DLG1: variants seen among roughly 807,000 people sequenced by gnomAD.
DLG1 encodes the protein disks large homolog 1.
In DLG1, 42 loss-of-function variants were observed where a neutral mutation model predicts 123.4. The ratio of observed to expected loss-of-function variants is 0.34; its 90% CI spans 0.27 to 0.44. DLG1 has a LOEUF of 0.44. Among genes scored for constraint, DLG1 ranks in the 20% least tolerant of loss-of-function variants. DLG1 has a pLI of 1.00. For missense variants in DLG1, 942 were observed against 1,082.6 expected (o/e 0.87, Z 1.82); for synonymous variants, 317 against 356.2 (o/e 0.89, Z 1.24).
At chr3:197,296,120 G>A (rs1216042178) in intron 3 of DLG1, among the ~76,000 whole-genome samples, 2 of 152,198 alleles carry the variant, frequency 1.3e-5, no homozygotes, top group Non-Finnish European at 2.9e-5. Flanking sequence ...ATTAAGATGT[G>A]AAACAATGTT....
intron 3 of DLG1, among the ~76,000 whole-genome samples, chr3:197,289,338 G>GCGCACA (rs1553828683): frequency 1.4e-5 from 1 of 69,922 alleles, no homozygotes; most frequent in East Asian, 5.8e-4. Flanking sequence ...GTATACACGC[G>GCGCACA]CATACACACA....
At chr3:197,078,076 C>T (rs764390485) in intron 17 of DLG1, among the ~76,000 whole-genome samples, 3 of 150,460 alleles carry the variant, frequency 2.0e-5, no homozygotes, top group Non-Finnish European at 4.4e-5. Context: ...CTTTGGTAGG[C>T]TGAGGCAGGA....
rs546600107 is a variant in DLG1, at chr3:197,130,593, A to G, written c.1099T>C (p.Leu367=). The change falls in exon 11 of 25, where the codon TTG becomes CTG. Residue 367 remains leucine (L), a synonymous_variant. Coordinates refer to ENST00000667157, the MANE Select transcript of DLG1 (RefSeq NM_001366207.1). ...ATACTTGTGGGTTTTGCCACTTTCA[A>G]ATAAACAAAATCAGATGTGTTCTTT... is the stretch of plus-strand genomic sequence containing the variant. ...ALKNTSDFVY[L]KVAKPTSMYM... The G allele has an allele frequency of 3.7e-6, 6 of 1,612,518 alleles. No homozygotes were observed. Among genetic ancestry groups the G allele is most frequent in the South Asian group, 1.1e-5 (1 of 90,934 alleles).
At position 197,146,013 on chromosome 3, in the gene DLG1, T is replaced by TAAATA. The variant is rs1361155925; in HGVS notation, c.538-3250_538-3246dup. Among the ~76,000 whole-genome samples, 298 of 149,184 alleles carry TAAATA rather than the reference T, an allele frequency of 2.0e-3. 2 individuals carry two copies. The highest frequency in any genetic ancestry group is 2.3e-3 in the Non-Finnish European group (151 of 66,684). On this transcript the variant is annotated intron_variant, in intron 6 of 24. Coordinates refer to ENST00000667157, the MANE Select transcript of DLG1 (RefSeq NM_001366207.1). Reference sequence around the variant, plus strand: ...TGTCTCAAATAAATAAATAAATAAATAAATAAAATAAAATAAAATAAAAAG... The same window carrying TAAATA: ...TGTCTCAAATAAATAAATAAATAAATAAATAAAATAAAATAAAATAAAATAAAAAG...
intron 24 of DLG1, among the ~76,000 whole-genome samples, chr3:197,045,751 C>T (rs1033887610): frequency 1.3e-5 from 2 of 151,562 alleles, no homozygotes; most frequent in African/African-American, 2.4e-5. Context: ...CCTTGTGTCT[C>T]GTAAAAAAGT....
At chr3:197,193,651 G>A (rs1269971263) in intron 5 of DLG1, among the ~76,000 whole-genome samples, 1 of 152,150 alleles carries the variant, frequency 6.6e-6, no homozygotes, top group Non-Finnish European at 1.5e-5. Context: ...TACAGTATGA[G>A]TCCATTTATA....
intron 4 of DLG1, among the ~76,000 whole-genome samples, chr3:197,264,832 G>A (rs1454210915): frequency 6.6e-6 from 1 of 152,188 alleles, no homozygotes; most frequent in African/African-American, 2.4e-5. Flanking sequence ...CTGGTCCCAA[G>A]TATTTTGGAT....
At chr3:197,288,122 T>C (rs755760831) in intron 3 of DLG1, among the ~76,000 whole-genome samples, 21 of 151,862 alleles carry the variant, frequency 1.4e-4, no homozygotes, top group Non-Finnish European at 2.8e-4. Context: ...TCCCAGCACT[T>C]TGGGAGCCTG....
intron 24 of DLG1, among the ~76,000 whole-genome samples, chr3:197,046,215 G>GC (rs1365298116): frequency 6.6e-6 from 1 of 152,026 alleles, no homozygotes; most frequent in Non-Finnish European, 1.5e-5. Context: ...ACAACAGCAC[G>GC]CAAGGATTTA....
At chr3:197,209,218 C>T (rs112338006) in intron 4 of DLG1, among the ~76,000 whole-genome samples, 16 of 146,248 alleles carry the variant, frequency 1.1e-4, no homozygotes, top group African/African-American at 3.9e-4. Flanking sequence ...GGTATATAAA[C>T]TGTAAGCATA....
At chr3:197,167,750 A>G (rs904723840) in intron 5 of DLG1, among the ~76,000 whole-genome samples, 1 of 152,212 alleles carries the variant, frequency 6.6e-6, no homozygotes, top group Non-Finnish European at 1.5e-5. Context: ...GAATTTGATG[A>G]GTTTGCACAT....
At chr3:197,134,337 G>A (rs1352606949) in intron 10 of DLG1, among the ~76,000 whole-genome samples, 1 of 151,942 alleles carries the variant, frequency 6.6e-6, no homozygotes, top group Non-Finnish European at 1.5e-5. Context: ...CAAGCAGCCT[G>A]GAAAACAACA....
intron 14 of DLG1, among the ~76,000 whole-genome samples, chr3:197,101,502 C>T (rs997251083): frequency 6.6e-5 from 10 of 151,920 alleles, no homozygotes; most frequent in African/African-American, 2.4e-4. Flanking sequence ...TCTCCTGCCT[C>T]AGCCTCGCGA....
chr3:197,201,010 A>T (rs1237543853), intron 4 of DLG1, among the ~76,000 whole-genome samples: 1 of 152,216 alleles, frequency 6.6e-6, no homozygotes, highest in Non-Finnish European at 1.5e-5. Context: ...GAAAAAACAA[A>T]AGGCATCCAA....
intron 4 of DLG1, among the ~76,000 whole-genome samples, chr3:197,203,517 C>T (rs1351987236): frequency 6.6e-6 from 1 of 151,166 alleles, no homozygotes. Flanking sequence ...TTATATTTAC[C>T]CCCAAAAAAG....
intron 4 of DLG1, among the ~76,000 whole-genome samples, chr3:197,258,255 C>G (rs1009269278): frequency 8.5e-5 from 13 of 152,078 alleles, no homozygotes; most frequent in Non-Finnish European, 1.8e-4. Flanking sequence ...AAAAGGAATA[C>G]AGAGCTATTT....
chr3:197,079,492 G>C (rs1464618294), intron 17 of DLG1, among the ~76,000 whole-genome samples: 5 of 152,176 alleles, frequency 3.3e-5, no homozygotes, highest in African/African-American at 4.8e-5. Flanking sequence ...CAGTGACTCT[G>C]TATAAAGTTG....
At chr3:197,237,597 G>A (rs1275443076) in intron 4 of DLG1, among the ~76,000 whole-genome samples, 2 of 152,210 alleles carry the variant, frequency 1.3e-5, no homozygotes, top group Non-Finnish European at 2.9e-5. Flanking sequence ...GCTGTAACAA[G>A]GTGTCCCAAC....
At chr3:197,109,278 G>A (rs1303710197) in intron 13 of DLG1, among the ~76,000 whole-genome samples, 6 of 152,224 alleles carry the variant, frequency 3.9e-5, no homozygotes, top group South Asian at 2.1e-4. Flanking sequence ...GCTGAGGCAC[G>A]AGGATTGCCT....
Sources: allele counts gnomAD v4.1 joint callset (sites outside exome capture counted in the v4.1 genomes callset), GRCh38; gene constraint gnomAD v4.1.1; transcripts MANE v1.5; gene names NCBI Gene and HGNC (gene_info 2026-07-23, HGNC 2026-07-21).